MYH9: variants seen among roughly 807,000 people sequenced by gnomAD.
MYH9 encodes myosin heavy chain 9, also known as myosin-9.
A neutral mutation model predicts 241.9 loss-of-function variants in MYH9; 29 were observed. That is an observed-to-expected ratio of 0.12 (90% CI 0.09 to 0.16). The LOEUF is 0.16. MYH9 is among the 10% of genes least tolerant of loss of function. The pLI, the probability that MYH9 is intolerant of heterozygous loss-of-function variation, is 1.00. For missense variants in MYH9, 1,803 were observed against 2,595.5 expected, an observed-to-expected ratio of 0.69 and a Z score of 6.63; for synonymous variants, 1,047 against 1,062.6, an observed-to-expected ratio of 0.99 and a Z score of 0.29.
intron 2 of MYH9, among the ~76,000 whole-genome samples, chr22:36,343,315 C>T (rs1054692406): frequency 1.3e-5 from 2 of 152,028 alleles, no homozygotes; most frequent in African/African-American, 2.4e-5. Context: ...GTGAGAGGAT[C>T]GCTTGAGGCC....
In MYH9 at chr22:36,294,916, C is replaced by T; in HGVS notation, c.3630+16G>A. ...GAACCCTGCCCTCCCCCTGCGGTCTCAGGGAGGCTCCGCACCCGCTTCGTC... is the reference window on the plus strand; with the variant it reads ...GAACCCTGCCCTCCCCCTGCGGTCTTAGGGAGGCTCCGCACCCGCTTCGTC... On this transcript the variant is annotated intron_variant, in intron 27 of 40. Coordinates refer to ENST00000216181, the MANE Select transcript of MYH9 (RefSeq NM_002473.6). 6.2e-7 allele frequency: 1 copy of T among 1,611,032 alleles called. No individual in the cohort carries two copies. The highest frequency in any genetic ancestry group is 8.5e-7 in the Non-Finnish European group (1 of 1,179,990).
intron 1 of MYH9, among the ~76,000 whole-genome samples, chr22:36,370,108 C>T (rs2018067790): frequency 6.6e-6 from 1 of 152,088 alleles, no homozygotes; most frequent in Non-Finnish European, 1.5e-5. Context: ...GCATCAAAAC[C>T]CTCTGTGGCA....
chr22:36,325,036 G>A (rs765598515), intron 5 of MYH9: 1 of 759,244 alleles, frequency 1.3e-6, no homozygotes, highest in South Asian at 1.4e-5. Flanking sequence ...ATAAATACTT[G>A]GGAAATGGAT....
At chr22:36,338,362 C>T (rs2017531336) in intron 3 of MYH9, among the ~76,000 whole-genome samples, 1 of 152,156 alleles carries the variant, frequency 6.6e-6, no homozygotes, top group South Asian at 2.1e-4. Flanking sequence ...TCAAGAGCTG[C>T]AGCAAGTCCA....
chr22:36,328,556 T>C (rs1412754006), intron 3 of MYH9, among the ~76,000 whole-genome samples: 2 of 152,256 alleles, frequency 1.3e-5, no homozygotes, highest in East Asian at 1.9e-4. Context: ...AAGTAAGATC[T>C]GCTACTAACT....
At chr22:36,303,707 C>A (rs1318217317) in intron 19 of MYH9, among the ~76,000 whole-genome samples, 1 of 145,496 alleles carries the variant, frequency 6.9e-6, no homozygotes, top group East Asian at 2.0e-4. Flanking sequence ...ATCACTTGAA[C>A]GTGGGAGGTG....
In MYH9 at chr22:36,295,190, C is replaced by G; in HGVS notation, c.3486-114G>C. The G allele has an allele frequency of 7.0e-7, 1 of 1,433,196 alleles. No individual in the cohort carries two copies. 88.8% of individuals were successfully genotyped at this position (1,433,196 alleles called of 1,614,324 possible). On this transcript the variant is annotated intron_variant, in intron 26 of 40. Coordinates refer to ENST00000216181, the MANE Select transcript of MYH9 (RefSeq NM_002473.6). This position sits in a 1 kb window ranked among gnomAD's most constrained non-coding sequence, Gnocchi z 4.1. ...GCCAGGGCACAGGCACTCCAGGCAGCTTTTCTACCCACCGGCCCCTCCTAG... is the reference window on the plus strand; with the variant it reads ...GCCAGGGCACAGGCACTCCAGGCAGGTTTTCTACCCACCGGCCCCTCCTAG...
Position 36,293,531 on chromosome 22 carries a change from A to G in MYH9, c.3943-50T>C. The G allele has an allele frequency of 6.2e-7, 1 of 1,605,334 alleles. No individual in the cohort carries two copies. The highest frequency in any genetic ancestry group is 2.2e-5 in the East Asian group (1 of 44,858). On this transcript the variant is annotated intron_variant, in intron 29 of 40. Transcript: ENST00000216181. The surrounding 1 kb of genome is among the most constrained non-coding windows in gnomAD (Gnocchi z 5.1). ...GGGTGCTTAGGAGGGTGGTGTCCAA[A>G]ACCCAGGAACCCCACACCCTTGAGG... is the stretch of plus-strand genomic sequence containing the variant.
chr22:36,300,910 C>T lies in MYH9; in HGVS notation c.2779G>A (p.Glu927Lys). 1 of 1,607,932 alleles carries T rather than the reference C, an allele frequency of 6.2e-7. No individual in the cohort carries two copies. Among genetic ancestry groups the T allele is most frequent in the East Asian group, 2.2e-5 (1 of 44,886 alleles). ...TGCAGGTGCTGGCAGCGCTCCTCCT[C>T]CTCCTCCACCCTGGCCTCTAGGTCA... is the stretch of plus-strand genomic sequence containing the variant. ...CHDLEARVEE[E>K]EERCQHLQAE... is the part of the protein sequence containing the mutation. The change falls in exon 22 of 41, where the codon GAG becomes AAG. Residue 927 changes from glutamate (E) to lysine (K), a missense_variant. By Grantham distance (56) the Glu-to-Lys change is moderately conservative. Around this residue, in one of 11 missense-constraint regions of MYH9, gnomAD observed 290 missense variants for 360.5 expected, o/e 0.80. Coordinates refer to ENST00000216181, the MANE Select transcript of MYH9 (RefSeq NM_002473.6). This position sits in a 1 kb window ranked among gnomAD's most constrained non-coding sequence, Gnocchi z 5.0.
At chr22:36,318,086 T>G (rs534674753) in intron 11 of MYH9, 121 bp downstream of exon 11, 2 of 868,656 alleles carry the variant, frequency 2.3e-6, no homozygotes, top group Admixed American at 3.4e-5. Context: ...GACTGCATCA[T>G]GGAATCATGT....
At chr22:36,374,509 G>A (rs866495191) in intron 1 of MYH9, among the ~76,000 whole-genome samples, 1 of 152,210 alleles carries the variant, frequency 6.6e-6, no homozygotes, top group South Asian at 2.1e-4. Flanking sequence ...GACAGAGTGA[G>A]ACTCTGTTTC....
At position 36,285,646 on chromosome 22, in the gene MYH9, C is replaced by A. The variant is rs1307208956; in HGVS notation, c.5274+12G>T. On this transcript the variant is annotated intron_variant, in intron 37 of 40. Coordinates refer to ENST00000216181, the MANE Select transcript of MYH9 (RefSeq NM_002473.6). The surrounding 1 kb of genome is among the most constrained non-coding windows in gnomAD (Gnocchi z 7.0). ...AGCCAGAGCCCAGAGTGGGAGAAGTCCTGGCACCCACCTGCAGGTTGGCCT... is the reference window on the plus strand; with the variant it reads ...AGCCAGAGCCCAGAGTGGGAGAAGTACTGGCACCCACCTGCAGGTTGGCCT... 1.2e-6 allele frequency: 2 copies of A among 1,611,964 alleles called. No homozygotes were observed. Among genetic ancestry groups the A allele is most frequent in the Non-Finnish European group, 1.7e-6 (2 of 1,180,002 alleles).
Position 36,285,795 on chromosome 22 carries a change from G to A in MYH9, c.5151-14C>T, listed in dbSNP as rs371910458. The A allele has an allele frequency of 1.1e-4, 184 of 1,610,008 alleles. No homozygotes were observed. Among genetic ancestry groups the A allele is most frequent in the Middle Eastern group, 3.5e-4 (2 of 5,774 alleles). ...AACGCCAGGGCTCTGCGGGGTGGGC[G>A]GGAGAAGTGAGGGGCCTACCCTGGG... On this transcript the variant is annotated splice_polypyrimidine_tract_variant and intron_variant, in intron 36 of 40. Coordinates refer to ENST00000216181, the MANE Select transcript of MYH9 (RefSeq NM_002473.6). The surrounding 1 kb of genome is among the most constrained non-coding windows in gnomAD (Gnocchi z 7.0).
chr22:36,322,294 C>T, intron 6 of MYH9, 135 bp downstream of exon 6: 1 of 993,812 alleles, frequency 1.0e-6, no homozygotes, highest in South Asian at 1.3e-5. Context: ...GCCTAGTCCA[C>T]ACGACAGGCC....
At chr22:36,369,420 G>A (rs2018058843) in intron 1 of MYH9, among the ~76,000 whole-genome samples, 2 of 152,212 alleles carry the variant, frequency 1.3e-5, no homozygotes, top group Admixed American at 6.5e-5. Context: ...AACAGTGGGC[G>A]GCAGGCCGGC....
intron 11 of MYH9, among the ~76,000 whole-genome samples, chr22:36,317,909 A>G (rs550027799): frequency 6.6e-6 from 1 of 152,380 alleles, no homozygotes; most frequent in South Asian, 2.1e-4. Flanking sequence ...ACCAGACAGG[A>G]CATGCCTATA....
intron 2 of MYH9, among the ~76,000 whole-genome samples, chr22:36,345,205 G>A (rs1424060099): frequency 1.3e-5 from 2 of 151,870 alleles, no homozygotes; most frequent in Non-Finnish European, 2.9e-5. Context: ...CCAGCTACTC[G>A]GGAGGCTGAG....
Position 36,305,778 on chromosome 22 carries a change from A to T in MYH9, c.2159+152T>A. 8 of 1,064,588 alleles carry T rather than the reference A, an allele frequency of 7.5e-6. No homozygotes were observed. In the South Asian group the frequency reaches 1.0e-4, roughly 13 times the overall value. 65.9% of individuals were successfully genotyped at this position (1,064,588 alleles called of 1,614,324 possible). A position where few individuals can be genotyped will look rare whatever the true frequency, so the allele number is the denominator to read the frequency against. Reference sequence around the variant, plus strand: ...CCTGCAAAGGGTGGAAAAGAGAAGGAGGTGGGGAAGAGCTGGCCAGACTCA... The same window carrying T: ...CCTGCAAAGGGTGGAAAAGAGAAGGTGGTGGGGAAGAGCTGGCCAGACTCA... On this transcript the variant is annotated intron_variant, in intron 17 of 40. Transcript: ENST00000216181. This position sits in a 1 kb window ranked among gnomAD's most constrained non-coding sequence, Gnocchi z 4.7.
rs545227542 is a variant in MYH9 at position 36,382,078 on chromosome 22, T to C, written c.-20+5729A>G. Among the ~76,000 whole-genome samples the C allele has an allele frequency of 5.3e-5, 8 of 151,732 alleles. No individual in the cohort carries two copies. The East Asian group carries it at 7.8e-4, about 15-fold the overall frequency. ...CCTGGGCTCAAGCAATCCTCCCCCA[T>C]TGGCCTCCCAAAGTGCTGGGATTAC... is the stretch of plus-strand genomic sequence containing the variant. On this transcript the variant is annotated intron_variant, in intron 1 of 40. Coordinates refer to ENST00000216181, the MANE Select transcript of MYH9 (RefSeq NM_002473.6).
Sources: allele counts gnomAD v4.1 joint callset (sites outside exome capture counted in the v4.1 genomes callset), GRCh38; gene constraint gnomAD v4.1.1; regional missense constraint gnomAD v4.1.1; non-coding constraint Gnocchi (gnomAD v3.1); transcripts MANE v1.5; gene names NCBI Gene and HGNC (gene_info 2026-07-23, HGNC 2026-07-21).